The following RGL1 variants were observed in gnomAD, a reference collection of about 807,000 sequenced individuals.
RGL1 encodes the protein ral guanine nucleotide dissociation stimulator-like 1.
In RGL1, 24 loss-of-function variants were observed where a neutral mutation model predicts 95.2. The observed-to-expected ratio is 0.25, with a 90% confidence interval of 0.18 to 0.35. The LOEUF is 0.35. RGL1 is among the 10% of genes least tolerant of loss of function. The probability of loss-of-function intolerance (pLI) is 1.00; values close to 1 mark genes in which losing one functional copy is unlikely to be tolerated. For synonymous variants in RGL1, 329 were observed against 344.9 expected, an observed-to-expected ratio of 0.95 and a Z score of 0.51; for missense variants, 715 against 936.3, an observed-to-expected ratio of 0.76 and a Z score of 3.08.
intron 1 of RGL1, among the ~76,000 whole-genome samples, chr1:183,736,837 T>A (rs992829794): frequency 4.6e-5 from 7 of 152,134 alleles, no homozygotes; most frequent in Non-Finnish European, 1.0e-4. Flanking sequence ...TTATCACATA[T>A]AAGGGAGTCT....
chr1:183,668,880 T>A (rs1256187047), intron 1 of RGL1, among the ~76,000 whole-genome samples: 1 of 151,890 alleles, frequency 6.6e-6, no homozygotes, highest in Non-Finnish European at 1.5e-5. Context: ...TTGGATATTC[T>A]GTTATGAGTT....
chr1:183,792,255 A>C (rs1660473725), intron 2 of RGL1, among the ~76,000 whole-genome samples: 1 of 151,972 alleles, frequency 6.6e-6, no homozygotes, highest in African/African-American at 2.4e-5. Context: ...TTTTTCCTAA[A>C]TATCACTCGG....
rs1242293808 is a variant in RGL1 at position 183,927,177 on chromosome 1, T to C, written c.*885T>C. 6.6e-6 allele frequency: 1 copy of C among 152,636 alleles called. No homozygotes were observed. The highest frequency in any genetic ancestry group is 2.4e-5 in the African/African-American group (1 of 41,438). 9.5% of individuals were successfully genotyped at this position (152,636 alleles called of 1,614,324 possible). A position where few individuals can be genotyped will look rare whatever the true frequency, so the allele number is the denominator to read the frequency against. On this transcript the variant is annotated 3_prime_UTR_variant, in exon 18 of 18. Transcript: ENST00000360851. ...AAAGCGCAAAAGAATGGTGACTCAT[T>C]TGGACTCTTATCTGTCTTGGAATGT...
chr1:183,673,355 T>C (rs1252472655), intron 1 of RGL1, among the ~76,000 whole-genome samples: 1 of 152,216 alleles, frequency 6.6e-6, no homozygotes, highest in Non-Finnish European at 1.5e-5. Flanking sequence ...TTTCTTTCTC[T>C]CATCAAACAT....
chr1:183,672,710 A>G (rs1293311164), intron 1 of RGL1, among the ~76,000 whole-genome samples: 1 of 152,178 alleles, frequency 6.6e-6, no homozygotes, highest in Admixed American at 6.5e-5. Context: ...ACTATAACAA[A>G]CAATTCTATT....
chr1:183,890,236 T>C (rs1312505305), intron 8 of RGL1, among the ~76,000 whole-genome samples: 1 of 152,110 alleles, frequency 6.6e-6, no homozygotes, highest in Non-Finnish European at 1.5e-5. Flanking sequence ...TCTTTGATGG[T>C]TGAAAAAAGA....
intron 1 of RGL1, chr1:183,647,672 T>C (rs1332844959): frequency 6.3e-7 from 1 of 1,588,778 alleles, no homozygotes; most frequent in Non-Finnish European, 8.6e-7. Flanking sequence ...TGTAGGAATG[T>C]AGATTTTATT....
chr1:183,789,422 C>A (rs1371954696), intron 2 of RGL1, among the ~76,000 whole-genome samples: 1 of 152,116 alleles, frequency 6.6e-6, no homozygotes. Flanking sequence ...TGCACTCCAG[C>A]CTGGGCAACG....
chr1:183,904,601 A>G (rs1668207905), intron 12 of RGL1, among the ~76,000 whole-genome samples: 3 of 152,302 alleles, frequency 2.0e-5, no homozygotes, highest in South Asian at 2.1e-4. Context: ...TTTTATACAA[A>G]TTGCTTTCTC....
chr1:183,844,760 C>G (rs1296933932), intron 2 of RGL1, among the ~76,000 whole-genome samples: 1 of 152,290 alleles, frequency 6.6e-6, no homozygotes, highest in East Asian at 1.9e-4. Context: ...TGATAAAGAA[C>G]AGCTATTAGA....
intron 16 of RGL1, among the ~76,000 whole-genome samples, chr1:183,921,989 C>T (rs1341803658): frequency 6.6e-6 from 1 of 152,132 alleles, no homozygotes; most frequent in Non-Finnish European, 1.5e-5. Context: ...ATTTTAATAG[C>T]GGATGACGCT....
chr1:183,840,345 A>G (rs369879159), intron 2 of RGL1, among the ~76,000 whole-genome samples: 1 of 152,152 alleles, frequency 6.6e-6, no homozygotes, highest in African/African-American at 2.4e-5. Context: ...CCTGGTTTCT[A>G]TGATTCACTT....
At chr1:183,802,918 G>T (rs1322716495), upstream of RGL1, among the ~76,000 whole-genome samples, 1 of 152,160 alleles carries the variant, frequency 6.6e-6, no homozygotes, top group Non-Finnish European at 1.5e-5. Flanking sequence ...ATGGCTTACT[G>T]GTTTGTCTTC....
At chr1:183,729,038 C>A in intron 1 of RGL1, among the ~76,000 whole-genome samples, 1 of 152,032 alleles carries the variant, frequency 6.6e-6, no homozygotes, top group East Asian at 1.9e-4. Context: ...ATAACCTTCA[C>A]GTAGGCAAAG....
intron 1 of RGL1, among the ~76,000 whole-genome samples, chr1:183,665,454 A>G (rs1651966305): frequency 6.6e-6 from 1 of 152,170 alleles, no homozygotes; most frequent in Non-Finnish European, 1.5e-5. Context: ...GACATTATAG[A>G]TAATTGTGTA....
rs781195114 is a variant in RGL1, at chr1:183,916,583, C to T, written c.1886C>T (p.Ser629Leu). 17 of 1,613,828 alleles carry T rather than the reference C, an allele frequency of 1.1e-5. No individual in the cohort carries two copies. The highest frequency in any genetic ancestry group is 2.7e-5 in the African/African-American group (2 of 74,820). The change falls in exon 16 of 18, where the codon TCG becomes TTG. Residue 629 changes from serine to leucine, a missense_variant. Coordinates refer to ENST00000360851, the MANE Select transcript of RGL1 (RefSeq NM_001297671.3). Reference sequence around the variant, plus strand: ...CCCAAAATCCACAAGCGCTCTGTCTCGGTGACGTCCATTACCTCGACTGTG... The same window carrying T: ...CCCAAAATCCACAAGCGCTCTGTCTTGGTGACGTCCATTACCTCGACTGTG... ...NNPKIHKRSVSVTSITSTVLP... is the reference protein window; with the variant it reads ...NNPKIHKRSVLVTSITSTVLP...
chr1:183,862,364 T>C (rs914822366), intron 3 of RGL1, among the ~76,000 whole-genome samples: 2 of 151,412 alleles, frequency 1.3e-5, no homozygotes, highest in African/African-American at 4.9e-5. Context: ...CCTGTTTCAA[T>C]GGGAAAAGAA....
intron 2 of RGL1, among the ~76,000 whole-genome samples, chr1:183,807,115 G>A (rs532225399): frequency 6.6e-6 from 1 of 152,274 alleles, no homozygotes; most frequent in Non-Finnish European, 1.5e-5. Context: ...ATTGGGTGAG[G>A]TCATGCAAGT....
At chr1:183,687,950 G>A (rs959580847) in intron 1 of RGL1, among the ~76,000 whole-genome samples, 5 of 152,140 alleles carry the variant, frequency 3.3e-5, no homozygotes, top group African/African-American at 1.2e-4. Flanking sequence ...TATATCTAGT[G>A]TAATGGAAAA....
Sources: allele counts gnomAD v4.1 joint callset (sites outside exome capture counted in the v4.1 genomes callset), GRCh38; gene constraint gnomAD v4.1.1; transcripts MANE v1.5; gene names NCBI Gene and HGNC (gene_info 2026-07-23, HGNC 2026-07-21).